The following DAB1 variants were observed in gnomAD, a reference collection of about 807,000 sequenced individuals.
DAB1 encodes the protein DAB adaptor protein 1.
Under a neutral mutation model 64.6 loss-of-function variants are expected in DAB1, and 15 were observed. That is an observed-to-expected ratio of 0.23 (90% CI 0.16 to 0.36). The LOEUF (loss-of-function observed/expected upper bound fraction) is 0.36. Ranked by LOEUF, DAB1 falls within the 10% of genes least tolerant of loss-of-function variation. The probability of loss-of-function intolerance (pLI) is 1.00; values close to 1 mark genes in which losing one functional copy is unlikely to be tolerated. For missense variants in DAB1, 596 were observed against 706.7 expected, an observed-to-expected ratio of 0.84 and a Z score of 1.78; for synonymous variants, 235 against 251.9, an observed-to-expected ratio of 0.93 and a Z score of 0.64.
At chr1:57,503,936 G>T (rs187984325) in intron 7 of DAB1, among the ~76,000 whole-genome samples, 1 of 152,308 alleles carries the variant, frequency 6.6e-6, no homozygotes, top group East Asian at 1.9e-4. Flanking sequence ...GTCCATAAAT[G>T]AGAATAACAG....
chr1:57,254,529 A>G (rs763640895), intron 2 of DAB1, among the ~76,000 whole-genome samples: 5 of 152,190 alleles, frequency 3.3e-5, no homozygotes, highest in Admixed American at 1.3e-4. Flanking sequence ...TTTGGTGTAT[A>G]TTTCTTGGCT....
intron 2 of DAB1, among the ~76,000 whole-genome samples, chr1:57,175,880 T>G (rs1385287323): frequency 6.6e-6 from 1 of 152,210 alleles, no homozygotes; most frequent in African/African-American, 2.4e-5. Flanking sequence ...AGGCTGATAT[T>G]CTGAGTAGAC....
intron 4 of DAB1, among the ~76,000 whole-genome samples, chr1:58,311,327 C>A (rs575527396): frequency 1.3e-5 from 2 of 152,316 alleles, no homozygotes; most frequent in South Asian, 4.1e-4. Flanking sequence ...CAAATAAGAT[C>A]TGCCTTGTTT....
Position 58,217,834 on chromosome 1 carries a change from C to T in DAB1, n.310-67246G>A, listed in dbSNP as rs146249014. Reference sequence around the variant, plus strand: ...TCCCCATAGTACCTAACACAGAGCCCGGCACTTGGTATATGCTTCATAAAT... The same window carrying T: ...TCCCCATAGTACCTAACACAGAGCCTGGCACTTGGTATATGCTTCATAAAT... On this transcript the variant is annotated intron_variant and non_coding_transcript_variant, in intron 4 of 20. Transcript: ENST00000485760. Among the ~76,000 whole-genome samples the T allele has an allele frequency of 3.9e-3, 596 of 152,038 alleles. 11 individuals are homozygous for T. Among genetic ancestry groups the T allele is most frequent in the African/African-American group, 0.014 (566 of 41,468 alleles).
At chr1:58,266,991 A>G (rs906119557) in intron 4 of DAB1, among the ~76,000 whole-genome samples, 2 of 152,192 alleles carry the variant, frequency 1.3e-5, no homozygotes, top group Non-Finnish European at 2.9e-5. Context: ...AGGCTGAGGC[A>G]GGTGGATCAC....
At chr1:58,058,479 G>A (rs183331887) in intron 5 of DAB1, among the ~76,000 whole-genome samples, 1 of 152,252 alleles carries the variant, frequency 6.6e-6, no homozygotes, top group East Asian at 1.9e-4. Context: ...CTGTTGCATG[G>A]TGCAATAACT....
chr1:57,548,613 TAAC>T (rs1644880936), intron 7 of DAB1, among the ~76,000 whole-genome samples: 1 of 152,204 alleles, frequency 6.6e-6, no homozygotes. Context: ...GATGAGGACT[TAAC>T]AGTATTTTCT....
At chr1:57,267,305 T>A (rs1322523463) in intron 2 of DAB1, among the ~76,000 whole-genome samples, 1 of 151,856 alleles carries the variant, frequency 6.6e-6, no homozygotes, top group South Asian at 2.1e-4. Context: ...TGATGTGGAC[T>A]TCTGGCCTCC....
intron 5 of DAB1, among the ~76,000 whole-genome samples, chr1:57,989,898 A>G (rs1255920622): frequency 1.3e-5 from 2 of 152,108 alleles, no homozygotes; most frequent in East Asian, 3.9e-4. Context: ...ACTTTGCATT[A>G]TTTTTTACAC....
At position 58,297,144 on chromosome 1, in the gene DAB1, A is replaced by G. The variant is rs145834704; in HGVS notation, n.309+46208T>C. On this transcript the variant is annotated intron_variant and non_coding_transcript_variant, in intron 4 of 20. Coordinates refer to the DAB1 transcript ENST00000485760. ...GTTTCCCTTGAAATGGAAGCTTAAT[A>G]GGATTTTTAAATGGTAAGCATTCAA... Among the ~76,000 whole-genome samples the G allele has an allele frequency of 4.9e-3, 746 of 152,330 alleles. 4 individuals are homozygous for G. The highest frequency in any genetic ancestry group is 0.017 in the African/African-American group (708 of 41,572).
At chr1:57,020,845 CA>C (rs781774868) in intron 11 of DAB1, among the ~76,000 whole-genome samples, 14 of 151,772 alleles carry the variant, frequency 9.2e-5, no homozygotes, top group Non-Finnish European at 1.9e-4. Context: ...CTGACTCTGA[CA>C]GGTCAAGTAA....
At chr1:58,546,662 A>T (rs146674147) in intron 1 of DAB1, 1 of 151,144 alleles carries the variant, frequency 6.6e-6, no homozygotes, top group East Asian at 2.0e-4. Flanking sequence ...GCACGATCCT[A>T]CTCGGAAAAG....
chr1:57,130,580 T>TA lies in DAB1; in HGVS notation c.306+5962dup, dbSNP rs1657567932. Among the ~76,000 whole-genome samples, 3 of 152,106 alleles carry TA rather than the reference T, an allele frequency of 2.0e-5. No homozygotes were observed. The South Asian group carries it at 6.2e-4, about 32-fold the overall frequency. On this transcript the variant is annotated intron_variant, in intron 4 of 14. Coordinates refer to ENST00000371236, the MANE Select transcript of DAB1 (RefSeq NM_001365792.1). ...TATGCAATGAAATACTATCAGGCCA[T>TA]AAAAAAGAAAATCCTGTCATTTGGA...
intron 2 of DAB1, among the ~76,000 whole-genome samples, chr1:57,272,956 T>G (rs1245940574): frequency 6.6e-6 from 1 of 152,188 alleles, no homozygotes; most frequent in Admixed American, 6.5e-5. Context: ...GGGCTATCAA[T>G]GTAATAGCTG....
At chr1:57,899,773 T>C (rs1433385672) in intron 5 of DAB1, among the ~76,000 whole-genome samples, 1 of 152,008 alleles carries the variant, frequency 6.6e-6, no homozygotes, top group South Asian at 2.1e-4. Flanking sequence ...GCACAGCATT[T>C]ATGTCAAGAT....
intron 4 of DAB1, among the ~76,000 whole-genome samples, chr1:58,323,368 A>T (rs979652834): frequency 6.6e-6 from 1 of 152,138 alleles, no homozygotes; most frequent in African/African-American, 2.4e-5. Context: ...TGCTGCTGCC[A>T]AAATACTCAA....
chr1:57,014,001 G>C (rs931850065), intron 12 of DAB1, among the ~76,000 whole-genome samples: 1 of 152,186 alleles, frequency 6.6e-6, no homozygotes, highest in Non-Finnish European at 1.5e-5. Flanking sequence ...ACAGCTTGTG[G>C]TGGAGGAGTC....
At chr1:57,730,195 C>T (rs924711428) in intron 6 of DAB1, among the ~76,000 whole-genome samples, 6 of 152,234 alleles carry the variant, frequency 3.9e-5, no homozygotes, top group Admixed American at 6.5e-5. Context: ...GACAATGTCA[C>T]ATAGGTGGAG....
At chr1:57,398,215 T>C (rs1306204355) in intron 1 of DAB1, among the ~76,000 whole-genome samples, 1 of 152,206 alleles carries the variant, frequency 6.6e-6, no homozygotes, top group African/African-American at 2.4e-5. Flanking sequence ...AGAGATACTG[T>C]CAGTGTGCTT....
Sources: gnomAD v4.1 joint callset for allele counts (sites outside exome capture counted in the v4.1 genomes callset) on GRCh38, gnomAD v4.1.1 for gene constraint, MANE v1.5 for transcripts, NCBI Gene and HGNC (gene_info 2026-07-23, HGNC 2026-07-21) for gene names.